The following NCKAP5 variants were observed in gnomAD, a reference collection of about 807,000 sequenced individuals.
NCKAP5 encodes nck-associated protein 5.
In NCKAP5, 92 loss-of-function variants were observed where a neutral mutation model predicts 167.0. The ratio of observed to expected loss-of-function variants is 0.55; its 90% CI spans 0.47 to 0.66. NCKAP5 has a LOEUF of 0.66. NCKAP5 is among the 30% of genes least tolerant of loss of function. The pLI, the probability that NCKAP5 is intolerant of heterozygous loss-of-function variation, is 0.00. For synonymous variants in NCKAP5, 891 were observed against 877.4 expected (o/e 1.02, Z -0.27); for missense variants, 2,378 against 2,315.0 (o/e 1.03, Z -0.56).
At position 133,320,454 on chromosome 2, in the gene NCKAP5, T is replaced by C. The variant is rs561019254; in HGVS notation, c.70-17344A>G. Among the ~76,000 whole-genome samples, 127 of 152,234 alleles carry C rather than the reference T, an allele frequency of 8.3e-4. No individual in the cohort carries two copies. In the Middle Eastern group the frequency reaches 0.017, roughly 20 times the overall value. The stretch of plus-strand genomic sequence containing the variant: ...TGTAATAATTAGGCCCTTGGCTGGG[T>C]GCGGTGGCTCACGCCTGTAATCCCA... On this transcript the variant is annotated intron_variant, in intron 3 of 19. Coordinates refer to ENST00000409261, the MANE Select transcript of NCKAP5 (RefSeq NM_207363.3).
intron 2 of NCKAP5, among the ~76,000 whole-genome samples, chr2:133,532,786 G>A (rs1685470387): frequency 6.6e-6 from 1 of 151,950 alleles, no homozygotes; most frequent in Non-Finnish European, 1.5e-5. Flanking sequence ...TAATACCACA[G>A]ATTTACCGAA....
chr2:132,971,239 G>C (rs1233160378), intron 7 of NCKAP5, among the ~76,000 whole-genome samples: 1 of 152,076 alleles, frequency 6.6e-6, no homozygotes, highest in Non-Finnish European at 1.5e-5. Context: ...ATAATAGAGC[G>C]ATATAAATGA....
intron 6 of NCKAP5, among the ~76,000 whole-genome samples, chr2:133,007,378 C>T (rs1185621876): frequency 6.6e-6 from 1 of 152,182 alleles, no homozygotes; most frequent in Admixed American, 6.5e-5. Context: ...TTCTTGGAAG[C>T]CCCATCCAAT....
the NCKAP5 span, among the ~76,000 whole-genome samples, chr2:133,636,459 G>A: frequency 2.4e-4 from 36 of 152,256 alleles, no homozygotes; most frequent in South Asian, 2.7e-3. Flanking sequence ...AAGAAGAGGC[G>A]GTTGGATTTA....
intron 3 of NCKAP5, among the ~76,000 whole-genome samples, chr2:133,418,308 A>T (rs1689252792): frequency 6.6e-6 from 1 of 152,330 alleles, no homozygotes; most frequent in East Asian, 1.9e-4. Context: ...GACTTCCAAC[A>T]AGCACAGAAC....
chr2:132,823,566 AG>A (rs1309054046), intron 11 of NCKAP5, among the ~76,000 whole-genome samples: 3 of 152,296 alleles, frequency 2.0e-5, no homozygotes, highest in South Asian at 2.1e-4. Context: ...AAATCTTCAA[AG>A]AAAACCTCAG....
At chr2:133,551,368 A>G (rs1163349465) in intron 2 of NCKAP5, among the ~76,000 whole-genome samples, 1 of 142,832 alleles carries the variant, frequency 7.0e-6, no homozygotes, top group Non-Finnish European at 1.5e-5. Flanking sequence ...AGTAACCAAA[A>G]CAGCATGGTA....
At position 132,706,015 on chromosome 2, in the gene NCKAP5, T is replaced by G. The variant is rs559610710; in HGVS notation, c.5713+19612A>C. Among the ~76,000 whole-genome samples the G allele has an allele frequency of 3.9e-5, 6 of 152,308 alleles. No homozygotes were observed. The East Asian group carries it at 1.2e-3, about 29-fold the overall frequency. On this transcript the variant is annotated intron_variant, in intron 19 of 19. Transcript: ENST00000409261. ...GCATATACATGGAGACATATATATT[T>G]GCATATGTACACAATATATAAATAC...
At chr2:132,944,816 C>T (rs1463212190) in intron 8 of NCKAP5, among the ~76,000 whole-genome samples, 1 of 152,130 alleles carries the variant, frequency 6.6e-6, no homozygotes, top group Non-Finnish European at 1.5e-5. Flanking sequence ...GTGAACATGT[C>T]ATAGGATTTT....
chr2:132,948,025 A>T (rs552624945), intron 8 of NCKAP5, among the ~76,000 whole-genome samples: 6 of 152,332 alleles, frequency 3.9e-5, no homozygotes, highest in African/African-American at 1.4e-4. Flanking sequence ...ACTTCTCAGC[A>T]TCCTCACAGA....
intron 1 of NCKAP5, among the ~76,000 whole-genome samples, chr2:133,564,300 G>T (rs1350752426): frequency 2.0e-5 from 3 of 152,200 alleles, no homozygotes; most frequent in African/African-American, 7.2e-5. Context: ...TTGAAAGTGT[G>T]CCTGGTATAC....
intron 5 of NCKAP5, among the ~76,000 whole-genome samples, chr2:133,167,831 T>C (rs538504331): frequency 6.6e-5 from 10 of 152,316 alleles, no homozygotes; most frequent in African/African-American, 1.2e-4. Context: ...TTTACTTCCA[T>C]GGGAAGAAAG....
At chr2:132,727,833 C>T (rs1188263140) in intron 18 of NCKAP5, among the ~76,000 whole-genome samples, 1 of 152,194 alleles carries the variant, frequency 6.6e-6, no homozygotes, top group Non-Finnish European at 1.5e-5. Context: ...GGATCTGCTC[C>T]CCTACTTGTC....
chr2:133,415,411 C>T (rs996619130), intron 3 of NCKAP5, among the ~76,000 whole-genome samples: 4 of 152,252 alleles, frequency 2.6e-5, no homozygotes, highest in Non-Finnish European at 5.9e-5. Context: ...CTGTGTGGGG[C>T]ATCAGCTGGA....
At chr2:132,847,471 A>G (rs1688747237) in intron 11 of NCKAP5, among the ~76,000 whole-genome samples, 1 of 152,220 alleles carries the variant, frequency 6.6e-6, no homozygotes, top group South Asian at 2.1e-4. Context: ...ATTTCACTCC[A>G]AAGCCCTTGT....
intron 15 of NCKAP5, among the ~76,000 whole-genome samples, chr2:132,776,238 C>G (rs1344757290): frequency 2.6e-5 from 4 of 152,150 alleles, no homozygotes; most frequent in Non-Finnish European, 5.9e-5. Context: ...TATCCATAAA[C>G]TATATTTTAA....
chr2:133,286,472 T>A (rs923893562), intron 4 of NCKAP5, among the ~76,000 whole-genome samples: 1 of 152,222 alleles, frequency 6.6e-6, no homozygotes, highest in African/African-American at 2.4e-5. Flanking sequence ...TAATGACTTA[T>A]ATTCTTTGAG....
intron 3 of NCKAP5, among the ~76,000 whole-genome samples, chr2:133,511,218 C>T (rs1404990307): frequency 6.6e-6 from 1 of 152,192 alleles, no homozygotes; most frequent in African/African-American, 2.4e-5. Context: ...TCCAATGGCC[C>T]TCCAAGACTT....
At chr2:133,422,638 A>G (rs1205602886) in intron 3 of NCKAP5, among the ~76,000 whole-genome samples, 1 of 152,198 alleles carries the variant, frequency 6.6e-6, no homozygotes, top group Non-Finnish European at 1.5e-5. Flanking sequence ...GATCTCTCAC[A>G]TGCCCTCCTA....
Sources: allele counts gnomAD v4.1 joint callset (sites outside exome capture counted in the v4.1 genomes callset), GRCh38; gene constraint gnomAD v4.1.1; transcripts MANE v1.5; gene names NCBI Gene and HGNC (gene_info 2026-07-23, HGNC 2026-07-21).